The following GRIA2 variants were observed in gnomAD, a reference collection of about 807,000 sequenced individuals.
GRIA2 encodes glutamate receptor 2.
A neutral mutation model predicts 97.3 loss-of-function variants in GRIA2; 14 were observed. That is an observed-to-expected ratio of 0.14 (90% CI 0.10 to 0.23). The LOEUF (loss-of-function observed/expected upper bound fraction) is 0.23, where lower values mean the gene tolerates loss of function less well. Ranked by LOEUF, GRIA2 falls within the 10% of genes least tolerant of loss-of-function variation. The probability of loss-of-function intolerance (pLI) is 1.00; values close to 1 mark genes in which losing one functional copy is unlikely to be tolerated. For missense variants in GRIA2, 558 were observed against 1,069.8 expected (o/e 0.52, Z 6.67); for synonymous variants, 412 against 387.8 (o/e 1.06, Z -0.73).
chr4:157,342,971 A>G (rs1228458323), intron 12 of GRIA2, among the ~76,000 whole-genome samples: 1 of 152,100 alleles, frequency 6.6e-6, no homozygotes, highest in Non-Finnish European at 1.5e-5. Context: ...TGAGTCAATC[A>G]TAGAAACACG....
intron 12 of GRIA2, among the ~76,000 whole-genome samples, chr4:157,350,984 G>A (rs1735988314): frequency 6.8e-6 from 1 of 146,494 alleles, no homozygotes; most frequent in African/African-American, 2.5e-5. Flanking sequence ...TGAAATACTG[G>A]TTCTATCATA....
At chr4:157,226,138 A>T (rs1376355951) in intron 2 of GRIA2, among the ~76,000 whole-genome samples, 1 of 152,044 alleles carries the variant, frequency 6.6e-6, no homozygotes, top group Non-Finnish European at 1.5e-5. Context: ...AAGATGATTT[A>T]ATAGTTTTAT....
rs377111115 is a variant in GRIA2, at chr4:157,259,723, A to G, written c.229+37916A>G. ...CTGTTCCTATTTGAAAGTACTGAAT[A>G]TAGATTACAAACTCTAACTTGTCCT... On this transcript the variant is annotated intron_variant, in intron 2 of 15. Coordinates refer to ENST00000264426, the MANE Select transcript of GRIA2 (RefSeq NM_001083619.3). Among the ~76,000 whole-genome samples, 16 of 152,248 alleles carry G rather than the reference A, an allele frequency of 1.1e-4. No homozygotes were observed. The East Asian group carries it at 3.1e-3, about 29-fold the overall frequency.
chr4:157,358,787 A>G lies in GRIA2; in HGVS notation c.2044-1109A>G, dbSNP rs148205029. ...TTTCACCAAAATAGAGTGCTTTTAT[A>G]TGTAAAGCTACCTGAATCCTCAGAG... On this transcript the variant is annotated intron_variant, in intron 12 of 15. Transcript: ENST00000264426. 5.6e-3 allele frequency among the ~76,000 whole-genome samples: 856 copies of G among 152,264 alleles called. 15 individuals are homozygous for G. The highest frequency in any genetic ancestry group is 0.019 in the African/African-American group (806 of 41,568).
chr4:157,258,027 C>G (rs1316716005), intron 2 of GRIA2, among the ~76,000 whole-genome samples: 1 of 152,092 alleles, frequency 6.6e-6, no homozygotes, highest in East Asian at 1.9e-4. Flanking sequence ...ATTTCCTATG[C>G]CTGTCTTTAC....
At position 157,246,079 on chromosome 4, in the gene GRIA2, T is replaced by C. The variant is rs568301319; in HGVS notation, c.229+24272T>C. ...TAATTTTGTTGACAGTAGAGGTTTA[T>C]ATTCAAGATAATGCATCTCACTTCA... is the stretch of plus-strand genomic sequence containing the variant. On this transcript the variant is annotated intron_variant, in intron 2 of 15. Transcript: ENST00000264426. Among the ~76,000 whole-genome samples the C allele has an allele frequency of 2.6e-5, 4 of 152,256 alleles. No homozygotes were observed. In the East Asian group the frequency reaches 7.7e-4, roughly 29 times the overall value.
chr4:157,340,197 A>G (rs961957856), intron 11 of GRIA2, among the ~76,000 whole-genome samples: 1 of 151,920 alleles, frequency 6.6e-6, no homozygotes, highest in African/African-American at 2.4e-5. Flanking sequence ...TTTAGATCAC[A>G]AATTGCCAAT....
chr4:157,225,359 A>T (rs1729695582), intron 2 of GRIA2, among the ~76,000 whole-genome samples: 1 of 151,350 alleles, frequency 6.6e-6, no homozygotes, highest in African/African-American at 2.4e-5. Flanking sequence ...CTCTCCCCTC[A>T]CTCATTTTTT....
chr4:157,342,960 C>G (rs1735610073), intron 12 of GRIA2, among the ~76,000 whole-genome samples: 1 of 152,074 alleles, frequency 6.6e-6, no homozygotes, highest in African/African-American at 2.4e-5. Flanking sequence ...TATATCTTCA[C>G]TGAGTCAATC....
At chr4:157,353,522 A>T (rs1214056018) in intron 12 of GRIA2, among the ~76,000 whole-genome samples, 3 of 150,850 alleles carry the variant, frequency 2.0e-5, no homozygotes, top group Non-Finnish European at 4.4e-5. Context: ...TAATAAAAAA[A>T]AAAATTAGCC....
In GRIA2 at chr4:157,228,834, C is replaced by T. The variant is rs189475391; in HGVS notation, c.229+7027C>T. Among the ~76,000 whole-genome samples the T allele has an allele frequency of 3.4e-5, 5 of 147,764 alleles. No homozygotes were observed. The South Asian group carries it at 1.1e-3, about 32-fold the overall frequency. On this transcript the variant is annotated intron_variant, in intron 2 of 15. Coordinates refer to ENST00000264426, the MANE Select transcript of GRIA2 (RefSeq NM_001083619.3). ...AAGAAGGAAAAAAGAATGACCCCCC[C>T]ACCTCCCCCCACCAAAAAAAAACCC... is the stretch of plus-strand genomic sequence containing the variant.
rs140003166 is a variant in GRIA2 at position 157,325,908 on chromosome 4, C to T, written c.882+4309C>T. Among the ~76,000 whole-genome samples the T allele has an allele frequency of 3.7e-3, 560 of 152,262 alleles. 5 individuals are homozygous for T. The highest frequency in any genetic ancestry group is 0.013 in the East Asian group (68 of 5,174). On this transcript the variant is annotated intron_variant, in intron 6 of 15. Transcript: ENST00000264426. ...ACCCCTGCCCCTGTTATCTTCCATC[C>T]TTGTGGTCCTTTTAGAGTATAAATA... is the stretch of plus-strand genomic sequence containing the variant.
chr4:157,276,775 C>T (rs894126963), intron 2 of GRIA2, among the ~76,000 whole-genome samples: 6 of 151,578 alleles, frequency 4.0e-5, no homozygotes, highest in Admixed American at 6.6e-5. Flanking sequence ...TCTGCATCCA[C>T]GAATTTGACA....
At chr4:157,234,445 T>A (rs1730155099) in intron 2 of GRIA2, among the ~76,000 whole-genome samples, 1 of 152,124 alleles carries the variant, frequency 6.6e-6, no homozygotes, top group South Asian at 2.1e-4. Flanking sequence ...AGAATTTTGA[T>A]GTGTTCTTGA....
At chr4:157,267,847 TCTCAA>T (rs1380238509) in intron 2 of GRIA2, among the ~76,000 whole-genome samples, 33 of 152,088 alleles carry the variant, frequency 2.2e-4, no homozygotes, top group African/African-American at 7.0e-4. Context: ...ATTGAAACAA[TCTCAA>T]CTCTTGAATT....
At chr4:157,248,097 T>TTA (rs1032922103) in intron 2 of GRIA2, among the ~76,000 whole-genome samples, 4 of 151,336 alleles carry the variant, frequency 2.6e-5, no homozygotes, top group Middle Eastern at 6.9e-3. Context: ...ATATCATATT[T>TTA]TATATATATA....
chr4:157,285,106 A>G (rs1732778286), intron 2 of GRIA2, among the ~76,000 whole-genome samples: 2 of 151,678 alleles, frequency 1.3e-5, no homozygotes, highest in South Asian at 2.1e-4. Flanking sequence ...CACTTTGCCT[A>G]TTTGTGGATA....
At chr4:157,249,623 G>A (rs2126738344) in intron 2 of GRIA2, 1 of 152,264 alleles carries the variant, frequency 6.6e-6, no homozygotes, top group African/African-American at 2.4e-5. Flanking sequence ...CTGGGATACA[G>A]AAAGTACTCA....
chr4:157,278,989 T>A (rs1432439057), intron 2 of GRIA2, among the ~76,000 whole-genome samples: 1 of 152,094 alleles, frequency 6.6e-6, no homozygotes, highest in East Asian at 1.9e-4. Flanking sequence ...CAATAGAAAC[T>A]CCCATTTATT....
Sources: allele counts gnomAD v4.1 joint callset (sites outside exome capture counted in the v4.1 genomes callset), GRCh38; gene constraint gnomAD v4.1.1; transcripts MANE v1.5; gene names NCBI Gene and HGNC (gene_info 2026-07-23, HGNC 2026-07-21).